PIK3C2G: variants seen among roughly 807,000 people sequenced by gnomAD.
PIK3C2G encodes the protein phosphatidylinositol-4-phosphate 3-kinase catalytic subunit type 2 gamma, also known as phosphatidylinositol 3-kinase C2 domain-containing subunit gamma.
Under a neutral mutation model 181.1 loss-of-function variants are expected in PIK3C2G, and 168 were observed. The ratio of observed to expected loss-of-function variants is 0.93; its 90% CI spans 0.82 to 1.05. The LOEUF (loss-of-function observed/expected upper bound fraction) is 1.05, where lower values mean the gene tolerates loss of function less well. Ranked by LOEUF, PIK3C2G falls within the 50% of genes least tolerant of loss-of-function variation. The probability of loss-of-function intolerance (pLI) is 0.00; values close to 1 mark genes in which losing one functional copy is unlikely to be tolerated. For synonymous variants in PIK3C2G, 573 were observed against 592.2 expected (o/e 0.97, Z 0.47); for missense variants, 1,869 against 1,732.8 (o/e 1.08, Z -1.40).
At position 18,438,813 on chromosome 12, in the gene PIK3C2G, T is replaced by C. The variant is rs945071337; in HGVS notation, c.2504+14774T>C. 2.3e-4 allele frequency among the ~76,000 whole-genome samples: 35 copies of C among 151,962 alleles called. 1 individual carries two copies. The highest frequency in any genetic ancestry group is 8.2e-4 in the African/African-American group (34 of 41,436). On this transcript the variant is annotated intron_variant, in intron 18 of 32. Coordinates refer to ENST00000538779, the MANE Select transcript of PIK3C2G (RefSeq NM_001288772.2). Reference sequence around the variant, plus strand: ...AAGCTGGGTAGCCCTTGAAAAATTATTCGACCTCCCTGATCATCAATTTTA... The same window carrying C: ...AAGCTGGGTAGCCCTTGAAAAATTACTCGACCTCCCTGATCATCAATTTTA...
chr12:18,473,165 G>A (rs887780548), intron 18 of PIK3C2G, among the ~76,000 whole-genome samples: 3 of 152,218 alleles, frequency 2.0e-5, no homozygotes, highest in South Asian at 2.1e-4. Context: ...GAGGAAGGAA[G>A]ATGGTTCTAA....
chr12:18,510,673 T>C (rs547234516), intron 24 of PIK3C2G, among the ~76,000 whole-genome samples: 23 of 152,320 alleles, frequency 1.5e-4, no homozygotes, highest in African/African-American at 5.3e-4. Flanking sequence ...TCAGGTACAC[T>C]GGAGACAGAC....
chr12:18,288,102 C>T (rs1949533705), intron 3 of PIK3C2G, among the ~76,000 whole-genome samples: 1 of 152,078 alleles, frequency 6.6e-6, no homozygotes, highest in South Asian at 2.1e-4. Context: ...GTGGAGATTG[C>T]AGTGAGCTGA....
intron 13 of PIK3C2G, among the ~76,000 whole-genome samples, chr12:18,373,374 A>G (rs2137893681): frequency 6.6e-6 from 1 of 152,294 alleles, no homozygotes; most frequent in African/African-American, 2.4e-5. Context: ...TCCAACACAT[A>G]TATCAACTGA....
At chr12:18,360,781 G>A (rs1219096275) in intron 11 of PIK3C2G, among the ~76,000 whole-genome samples, 2 of 152,032 alleles carry the variant, frequency 1.3e-5, no homozygotes, top group Admixed American at 1.3e-4. Context: ...TTCTCTAGCT[G>A]CTTGTGAAAT....
the PIK3C2G span, among the ~76,000 whole-genome samples, chr12:18,676,855 A>T: frequency 6.6e-6 from 1 of 152,170 alleles, no homozygotes; most frequent in Non-Finnish European, 1.5e-5. Flanking sequence ...AAGATTGATC[A>T]CAGCCATGTA....
intron 24 of PIK3C2G, among the ~76,000 whole-genome samples, chr12:18,531,537 T>G (rs1425730062): frequency 6.6e-6 from 1 of 152,132 alleles, no homozygotes; most frequent in Non-Finnish European, 1.5e-5. Flanking sequence ...TCTCACCTTC[T>G]TCCCCACTTC....
intron 26 of PIK3C2G, among the ~76,000 whole-genome samples, chr12:18,548,280 A>G (rs971914252): frequency 1.3e-5 from 2 of 152,016 alleles, no homozygotes; most frequent in Non-Finnish European, 2.9e-5. Context: ...AAAGGAATGC[A>G]AAGTTGGACT....
chr12:18,542,748 T>G (rs1944227897), intron 25 of PIK3C2G, among the ~76,000 whole-genome samples: 1 of 152,006 alleles, frequency 6.6e-6, no homozygotes, highest in Non-Finnish European at 1.5e-5. Context: ...CTCATTTTTT[T>G]GTAAGGCTTC....
chr12:18,410,043 C>T lies in PIK3C2G; in HGVS notation c.2315+10196C>T, dbSNP rs745422133. On this transcript the variant is annotated intron_variant, in intron 16 of 32. Coordinates refer to ENST00000538779, the MANE Select transcript of PIK3C2G (RefSeq NM_001288772.2). ...TGAATCACCTCCCACAAGGCCCTAC[C>T]TCCAGCACACTGGGGATTACAATTC... Among the ~76,000 whole-genome samples, 7 of 152,142 alleles carry T rather than the reference C, an allele frequency of 4.6e-5. No individual in the cohort carries two copies. In the East Asian group the frequency reaches 1.4e-3, roughly 29 times the overall value.
chr12:18,647,567 G>A (rs10770378), intron 32 of PIK3C2G, among the ~76,000 whole-genome samples: 43,814 of 151,808 alleles, frequency 0.29, 7,821 homozygotes, highest in South Asian at 0.51. Context: ...GGGTATAAAA[G>A]GTGAAGTATA....
At chr12:18,683,488 T>C in the PIK3C2G span, 3 of 1,483,716 alleles carry the variant, frequency 2.0e-6, no homozygotes, top group Non-Finnish European at 2.7e-6. Flanking sequence ...AAATTAAATA[T>C]TTGCATTTTC....
At chr12:18,563,051 A>G (rs192329267) in intron 27 of PIK3C2G, among the ~76,000 whole-genome samples, 159 bp downstream of exon 27, 6 of 152,362 alleles carry the variant, frequency 3.9e-5, no homozygotes, top group Non-Finnish European at 8.8e-5. Flanking sequence ...AGGATGTTCC[A>G]AGGAAAAATC....
At chr12:18,701,774 T>G in the PIK3C2G span, 1 of 1,598,754 alleles carries the variant, frequency 6.3e-7, no homozygotes, top group South Asian at 1.1e-5. Context: ...TGAATTTTAG[T>G]GCCTAAGGAA....
At chr12:18,529,751 A>G (rs1943444144) in intron 24 of PIK3C2G, among the ~76,000 whole-genome samples, 1 of 152,166 alleles carries the variant, frequency 6.6e-6, no homozygotes, top group Non-Finnish European at 1.5e-5. Flanking sequence ...GTGTTTTAAA[A>G]TATGGCCATT....
At chr12:18,436,354 T>C (rs1158832207) in intron 18 of PIK3C2G, among the ~76,000 whole-genome samples, 1 of 152,082 alleles carries the variant, frequency 6.6e-6, no homozygotes, top group Non-Finnish European at 1.5e-5. Context: ...TATGACCAGA[T>C]GGCAATCTGA....
the PIK3C2G span, chr12:18,719,641 A>G: frequency 1.3e-6 from 2 of 1,554,156 alleles, no homozygotes; most frequent in Non-Finnish European, 8.8e-7. Context: ...AACTAAAAAA[A>G]TAAAATAAAA....
At chr12:18,638,636 G>T (rs1392275233) in intron 31 of PIK3C2G, among the ~76,000 whole-genome samples, 1 of 152,082 alleles carries the variant, frequency 6.6e-6, no homozygotes, top group African/African-American at 2.4e-5. Context: ...CATTTATGCA[G>T]TCTTTGAGCC....
the PIK3C2G span, among the ~76,000 whole-genome samples, chr12:18,700,538 A>AAAAAAAAG: frequency 1.5e-3 from 203 of 135,916 alleles, 2 homozygotes; most frequent in Middle Eastern, 3.9e-3. Context: ...AAAAAAAAAT[A>AAAAAAAAG]GTTGCTCTGC....
Sources: allele counts gnomAD v4.1 joint callset (sites outside exome capture counted in the v4.1 genomes callset), GRCh38; gene constraint gnomAD v4.1.1; transcripts MANE v1.5; gene names NCBI Gene and HGNC (gene_info 2026-07-23, HGNC 2026-07-21).